Variants in CDH13 observed in about 807,000 individuals in gnomAD.
CDH13 encodes cadherin 13, also known as cadherin-13.
In CDH13, 24 loss-of-function variants were observed where a neutral mutation model predicts 63.8. The ratio of observed to expected loss-of-function variants is 0.38; its 90% CI spans 0.27 to 0.53. CDH13 has a LOEUF of 0.53. Ranked by LOEUF, CDH13 falls within the 20% of genes least tolerant of loss-of-function variation. The pLI is 0.85. For missense variants in CDH13, 1,049 were observed against 903.1 expected (o/e 1.16, Z -2.07); for synonymous variants, 503 against 355.3 (o/e 1.42, Z -4.67).
At chr16:83,189,524 C>T (rs1176563544) in intron 4 of CDH13, among the ~76,000 whole-genome samples, 1 of 152,194 alleles carries the variant, frequency 6.6e-6, no homozygotes, top group African/African-American at 2.4e-5. Flanking sequence ...TACACGTTCA[C>T]ATGGCTAAGG....
At chr16:83,543,950 G>A (rs150572729) in intron 7 of CDH13, among the ~76,000 whole-genome samples, 34 of 152,344 alleles carry the variant, frequency 2.2e-4, no homozygotes, top group African/African-American at 6.7e-4. Context: ...GATGTAGCCG[G>A]TAGCAGGAGT....
intron 4 of CDH13, among the ~76,000 whole-genome samples, chr16:83,161,805 AG>A (rs2037457955): frequency 6.6e-6 from 1 of 152,198 alleles, no homozygotes; most frequent in African/African-American, 2.4e-5. Context: ...CAACTCTAAA[AG>A]ATTCCCCGAG....
chr16:82,954,059 T>C (rs1905688362), intron 2 of CDH13: 1 of 152,100 alleles, frequency 6.6e-6, no homozygotes, highest in South Asian at 2.1e-4. Flanking sequence ...CAAGAAGCAC[T>C]GTAGGGAATG....
At chr16:82,825,302 C>T (rs1436505838) in intron 1 of CDH13, 1 of 152,108 alleles carries the variant, frequency 6.6e-6, no homozygotes, top group African/African-American at 2.4e-5. Context: ...TCTCAGCCAC[C>T]CTCCCTGACT....
At chr16:83,328,361 T>C (rs555560643) in intron 5 of CDH13, among the ~76,000 whole-genome samples, 56 of 152,248 alleles carry the variant, frequency 3.7e-4, no homozygotes, top group African/African-American at 9.4e-4. Context: ...AGAAGGAATA[T>C]GTGGCTGAAC....
intron 6 of CDH13, among the ~76,000 whole-genome samples, chr16:83,368,937 T>TATACAC (rs1567622155): frequency 1.6e-4 from 11 of 68,902 alleles, no homozygotes; most frequent in African/African-American, 4.7e-4. Flanking sequence ...TATATATATA[T>TATACAC]ACTAGGTTTT....
Position 82,809,359 on chromosome 16 carries a change from G to A in CDH13, c.46-49003G>A, listed in dbSNP as rs146874272. ...AATGAAAAATGAGTAGTTTAGCCTTGCCCTGTGCTGTGCAGAAAGCCGGTG... is the reference window on the plus strand; with the variant it reads ...AATGAAAAATGAGTAGTTTAGCCTTACCCTGTGCTGTGCAGAAAGCCGGTG... On this transcript the variant is annotated intron_variant, in intron 1 of 13. Transcript: ENST00000567109. 3.6e-3 allele frequency among the ~76,000 whole-genome samples: 549 copies of A among 151,666 alleles called. 3 individuals carry two copies. Among genetic ancestry groups the A allele is most frequent in the African/African-American group, 0.012 (514 of 41,340 alleles).
intron 6 of CDH13, among the ~76,000 whole-genome samples, chr16:83,435,295 C>T (rs2072260581): frequency 6.6e-6 from 1 of 152,164 alleles, no homozygotes; most frequent in Non-Finnish European, 1.5e-5. Flanking sequence ...CAACCTGTCT[C>T]AGCCTCCCAA....
At chr16:83,348,984 T>C (rs1266815550) in intron 6 of CDH13, among the ~76,000 whole-genome samples, 4 of 152,242 alleles carry the variant, frequency 2.6e-5, no homozygotes, top group South Asian at 2.1e-4. Flanking sequence ...GTCATTTTCA[T>C]GTCCCCATGT....
intron 1 of CDH13, chr16:82,844,580 G>C (rs62035177): frequency 6.9e-5 from 10 of 145,458 alleles, no homozygotes; most frequent in African/African-American, 2.6e-4. Context: ...CAGCCTGGGC[G>C]ACAGTGTGAC....
At chr16:82,975,575 T>C (rs563141462) in intron 2 of CDH13, among the ~76,000 whole-genome samples, 1 of 152,260 alleles carries the variant, frequency 6.6e-6, no homozygotes, top group Non-Finnish European at 1.5e-5. Flanking sequence ...TGGTATAGAG[T>C]TGGCACCCAA....
chr16:83,344,735 C>A, intron 5 of CDH13, 127 bp from the exon 6 acceptor site: 2 of 970,570 alleles, frequency 2.1e-6, no homozygotes, highest in Non-Finnish European at 3.1e-6. Flanking sequence ...TCCTCTGAGA[C>A]CAAAATTTCA....
At chr16:82,639,528 A>G (rs1909126706) in intron 1 of CDH13, 2 of 1,116,194 alleles carry the variant, frequency 1.8e-6, no homozygotes, top group Admixed American at 4.0e-5. Context: ...ATGCTAAGAA[A>G]CCCTGTTGCC....
chr16:83,389,675 G>C (rs2091746374), intron 6 of CDH13, among the ~76,000 whole-genome samples: 1 of 152,070 alleles, frequency 6.6e-6, no homozygotes, highest in Non-Finnish European at 1.5e-5. Context: ...TCTGTCCTGG[G>C]GTGCCTTTGT....
intron 10 of CDH13, among the ~76,000 whole-genome samples, chr16:83,713,384 A>G (rs1040096903): frequency 6.6e-5 from 10 of 152,128 alleles, no homozygotes; most frequent in African/African-American, 2.4e-4. Context: ...TTTTTGACAA[A>G]GCCACACTGG....
At chr16:82,672,465 A>G (rs1265860781) in intron 1 of CDH13, among the ~76,000 whole-genome samples, 1 of 152,054 alleles carries the variant, frequency 6.6e-6, no homozygotes, top group Non-Finnish European at 1.5e-5. Context: ...GTCCCTCCCT[A>G]ATCACTGTAT....
intron 4 of CDH13, among the ~76,000 whole-genome samples, chr16:83,189,965 T>A (rs2038645714): frequency 6.6e-6 from 1 of 152,210 alleles, no homozygotes; most frequent in Non-Finnish European, 1.5e-5. Context: ...CCTGCCCCCA[T>A]GTAAGACGTG....
chr16:83,647,815 C>T (rs1378799984), intron 8 of CDH13, among the ~76,000 whole-genome samples: 1 of 152,054 alleles, frequency 6.6e-6, no homozygotes, highest in African/African-American at 2.4e-5. Context: ...AGATTCTGTC[C>T]AGGAGTCTCC....
chr16:83,063,088 A>C (rs1306477277), intron 3 of CDH13, among the ~76,000 whole-genome samples: 1 of 151,458 alleles, frequency 6.6e-6, no homozygotes, highest in Non-Finnish European at 1.5e-5. Flanking sequence ...CAGCCTCCCT[A>C]ATAGCTGAGA....
Sources: allele counts gnomAD v4.1 joint callset (sites outside exome capture counted in the v4.1 genomes callset), GRCh38; gene constraint gnomAD v4.1.1; transcripts MANE v1.5; gene names NCBI Gene and HGNC (gene_info 2026-07-23, HGNC 2026-07-21).